The following NLGN4X variants were observed in gnomAD, a reference collection of about 807,000 sequenced individuals.
NLGN4X encodes the protein neuroligin-4, X-linked.
NLGN4X carries 3 observed loss-of-function variants against 40.3 expected under a neutral mutation model. The observed-to-expected ratio is 0.07, with a 90% CI of 0.03 to 0.19. The LOEUF is 0.19. NLGN4X is among the 10% of genes least tolerant of loss of function. The pLI is 1.00. For missense variants in NLGN4X, 382 were observed against 708.3 expected, an observed-to-expected ratio of 0.54 and a Z score of 5.23; for synonymous variants, 270 against 306.8, an observed-to-expected ratio of 0.88 and a Z score of 1.25.
intron 2 of NLGN4X, among the ~76,000 whole-genome samples, chrX:6,032,504 T>C (rs2036893315): frequency 1.8e-5 from 2 of 109,138 alleles, no homozygotes; most frequent in Non-Finnish European, 3.8e-5. Flanking sequence ...TTGTTTCCTG[T>C]ACATGGTAAC....
chrX:6,115,889 C>T (rs2039266938), intron 2 of NLGN4X, among the ~76,000 whole-genome samples: 1 of 111,506 alleles, frequency 9.0e-6, no homozygotes, highest in African/African-American at 3.3e-5. Flanking sequence ...TAGGAAGACA[C>T]CACCCAATTC....
intron 1 of NLGN4X, among the ~76,000 whole-genome samples, chrX:6,189,761 C>G: frequency 9.0e-6 from 1 of 110,854 alleles, no homozygotes; most frequent in Non-Finnish European, 1.9e-5. Flanking sequence ...GAAATAATTA[C>G]AACCAATGCT....
intron 1 of NLGN4X, among the ~76,000 whole-genome samples, chrX:6,181,849 T>C (rs1217599292): frequency 8.9e-6 from 1 of 112,094 alleles, no homozygotes; most frequent in East Asian, 2.8e-4. Flanking sequence ...ATATTTCCTG[T>C]ATTCAGGGGA....
intron 2 of NLGN4X, among the ~76,000 whole-genome samples, chrX:6,070,839 C>A (rs778927763): frequency 2.0e-4 from 22 of 111,441 alleles, no homozygotes; most frequent in Non-Finnish European, 4.0e-4. Context: ...AGGAACCTGC[C>A]AGACACTTTT....
At chrX:6,039,382 C>T (rs1343292091) in intron 2 of NLGN4X, among the ~76,000 whole-genome samples, 1 of 111,644 alleles carries the variant, frequency 9.0e-6, no homozygotes, top group Non-Finnish European at 1.9e-5. Flanking sequence ...AATGCATACA[C>T]ATGAATGAGC....
At chrX:6,212,582 G>T (rs1460492127) in intron 1 of NLGN4X, among the ~76,000 whole-genome samples, 1 of 111,736 alleles carries the variant, frequency 8.9e-6, no homozygotes, top group East Asian at 2.8e-4. Context: ...TGGGAGGAAA[G>T]CCCCACTCTT....
intron 2 of NLGN4X, among the ~76,000 whole-genome samples, chrX:6,056,071 G>C (rs2037617354): frequency 8.9e-6 from 1 of 112,401 alleles, no homozygotes; most frequent in Non-Finnish European, 1.9e-5. Flanking sequence ...CATTCAAAAT[G>C]AAGAGTCTTA....
rs545510693 is a variant in NLGN4X, at chrX:6,053,839, A to G, written c.473-24407T>C. 6.2e-5 allele frequency among the ~76,000 whole-genome samples: 7 copies of G among 112,452 alleles called. No homozygotes were observed. In the Admixed American group the frequency reaches 6.6e-4, roughly 11 times the overall value. ...ATTTCAGTAGGATGCTTTCATGGCT[A>G]TTAAACAGCAACATCGGGAAATAAT... On this transcript the variant is annotated intron_variant, in intron 2 of 5. Coordinates refer to ENST00000381095, the MANE Select transcript of NLGN4X (RefSeq NM_181332.3).
chrX:6,010,516 A>T (rs948488790), intron 3 of NLGN4X, among the ~76,000 whole-genome samples: 5 of 97,488 alleles, frequency 5.1e-5, no homozygotes, highest in Non-Finnish European at 1.0e-4. Flanking sequence ...TTTTTATTTT[A>T]TTATTATTAT....
chrX:6,121,149 T>TACAC (rs35061904), intron 2 of NLGN4X, among the ~76,000 whole-genome samples: 3,701 of 102,452 alleles, frequency 0.036, 119 homozygotes, highest in African/African-American at 0.1. Flanking sequence ...TATATATACA[T>TACAC]ACACACACAC....
intron 3 of NLGN4X, among the ~76,000 whole-genome samples, chrX:5,964,717 C>T (rs1290858624): frequency 9.0e-6 from 1 of 111,247 alleles, no homozygotes; most frequent in East Asian, 2.8e-4. Flanking sequence ...GGAGGGCTTG[C>T]TATGTGGTCC....
At chrX:6,163,288 C>A (rs1280092487) in intron 1 of NLGN4X, among the ~76,000 whole-genome samples, 1 of 111,983 alleles carries the variant, frequency 8.9e-6, no homozygotes, top group Non-Finnish European at 1.9e-5. Flanking sequence ...AATAAGTATT[C>A]CCCAAAGAAA....
At chrX:5,907,987 G>C (rs2146755155) in intron 4 of NLGN4X, among the ~76,000 whole-genome samples, 1 of 95,494 alleles carries the variant, frequency 1.0e-5, no homozygotes, top group Admixed American at 1.2e-4. Context: ...CAGAGAAAAG[G>C]AGAGAGAGGA....
intron 1 of NLGN4X, among the ~76,000 whole-genome samples, chrX:6,184,301 C>T (rs1921789037): frequency 9.0e-6 from 1 of 111,680 alleles, no homozygotes; most frequent in African/African-American, 3.3e-5. Context: ...TATTACTTTG[C>T]CAGATTTTAT....
At chrX:6,057,038 G>A (rs1235446323) in intron 2 of NLGN4X, among the ~76,000 whole-genome samples, 1 of 111,969 alleles carries the variant, frequency 8.9e-6, no homozygotes, top group East Asian at 2.8e-4. Context: ...ATAGGAAAAT[G>A]AGAGGCAACA....
intron 1 of NLGN4X, among the ~76,000 whole-genome samples, chrX:6,174,312 C>T (rs144274432): frequency 0.024 from 2,654 of 110,999 alleles, 78 homozygotes; most frequent in African/African-American, 0.079. Context: ...AAAGGGAACA[C>T]TTATACATTC....
At chrX:6,073,750 C>T (rs1381862560) in intron 2 of NLGN4X, among the ~76,000 whole-genome samples, 1 of 110,650 alleles carries the variant, frequency 9.0e-6, no homozygotes, top group Non-Finnish European at 1.9e-5. Context: ...CATGTTTGCA[C>T]AACAATGTGA....
intron 2 of NLGN4X, among the ~76,000 whole-genome samples, chrX:6,136,141 C>T (rs1350150009): frequency 1.1e-4 from 12 of 111,986 alleles, no homozygotes; most frequent in Non-Finnish European, 1.3e-4. Context: ...TGCAATGGTG[C>T]TATCATAGCT....
chrX:6,076,150 AT>A (rs2038190356), intron 2 of NLGN4X, among the ~76,000 whole-genome samples: 1 of 112,307 alleles, frequency 8.9e-6, no homozygotes, highest in African/African-American at 3.2e-5. Context: ...TAATTACAAT[AT>A]GATATTTAGT....
Sources: gnomAD v4.1 joint callset for allele counts (sites outside exome capture counted in the v4.1 genomes callset) on GRCh38, gnomAD v4.1.1 for gene constraint, MANE v1.5 for transcripts, NCBI Gene and HGNC (gene_info 2026-07-23, HGNC 2026-07-21) for gene names.